Variants in ZNF35 observed in about 807,000 individuals in gnomAD.
ZNF35 encodes zinc finger protein 35 (clone HF.10).
ZNF35 carries 31 observed loss-of-function variants against 45.9 expected under a neutral mutation model. The observed-to-expected ratio is 0.68, with a 90% CI of 0.51 to 0.91. The LOEUF is 0.91. Ranked by LOEUF, ZNF35 falls within the 40% of genes least tolerant of loss-of-function variation. ZNF35 has a pLI of 0.00. For missense variants in ZNF35, 515 were observed against 625.4 expected (o/e 0.82, Z 1.88); for synonymous variants, 205 against 220.2 (o/e 0.93, Z 0.61).
Position 44,651,157 on chromosome 3 carries a change from A to C in ZNF35, c.90A>C (p.Pro30=), listed in dbSNP as rs1451339448. Reference sequence around the variant, plus strand: ...AGGAGGAAGAAGAAGAAAACTTCCCAGGTCAGGCATCCAGCCAACAAGTGC... The same window carrying C: ...AGGAGGAAGAAGAAGAAAACTTCCCCGGTCAGGCATCCAGCCAACAAGTGC... ...KKEEEEEENF[P]GQASSQQVHS... Residue 30 remains proline (P), a synonymous_variant, in exon 2 of 4, where the codon CCA becomes CCC. Transcript: ENST00000396056. 6 of 1,614,096 alleles carry C rather than the reference A, an allele frequency of 3.7e-6. No individual in the cohort carries two copies. The highest frequency in any genetic ancestry group is 2.7e-5 in the African/African-American group (2 of 74,930).
At chr3:44,650,907 T>C (rs1413368265) in intron 1 of ZNF35, 34 bp from the exon 2 acceptor site, 1 of 691,260 alleles carries the variant, frequency 1.4e-6, no homozygotes, top group African/African-American at 1.8e-5. Flanking sequence ...AGCAAATCTC[T>C]CCTTGGTGCT....
At chr3:44,650,068 TTGTGTGTGTGTGTG>T (rs10575761) in intron 1 of ZNF35, among the ~76,000 whole-genome samples, 2 of 149,960 alleles carry the variant, frequency 1.3e-5, no homozygotes, top group Admixed American at 1.3e-4. Context: ...GATAAGTACT[TTGTGTGTGTGTGTG>T]TGTGTGTGTG....
At chr3:44,651,397 A>C in intron 2 of ZNF35, 138 bp downstream of exon 2, 1 of 819,298 alleles carries the variant, frequency 1.2e-6, no homozygotes, top group Non-Finnish European at 1.9e-6. Context: ...CTTTTGTAAT[A>C]GGATAGAAAC....
At position 44,659,308 on chromosome 3, in the gene ZNF35, T is replaced by C. The variant is rs767321587; in HGVS notation, c.945T>C (p.Phe315=). 6.2e-7 allele frequency: 1 copy of C among 1,614,164 alleles called. No individual in the cohort carries two copies. Among genetic ancestry groups the C allele is most frequent in the Non-Finnish European group, 8.5e-7 (1 of 1,180,028 alleles). ...TFKCNECEKA[F]SYSSQLARHQ... is the part of the protein sequence containing the mutation. ...AGTGCAATGAATGTGAGAAAGCCTT[T>C]AGTTACAGCTCACAACTTGCTCGGC... The change falls in exon 4 of 4, where the codon TTT becomes TTC. Residue 315 remains phenylalanine, a synonymous_variant. Transcript: ENST00000396056. The surrounding 1 kb of genome is among the most constrained non-coding windows in gnomAD (Gnocchi z 4.3).
chr3:44,650,784 C>G (rs1451542924), intron 1 of ZNF35, among the ~76,000 whole-genome samples, 157 bp from the exon 2 acceptor site: 1 of 152,226 alleles, frequency 6.6e-6, no homozygotes, highest in Non-Finnish European at 1.5e-5. Flanking sequence ...TATAGTCCAA[C>G]CCCTTCATCC....
At chr3:44,647,399 C>T (rs898136082), upstream of ZNF35, 3 of 151,934 alleles carry the variant, frequency 2.0e-5, no homozygotes, top group Non-Finnish European at 4.4e-5. Context: ...TTGGCAGTTT[C>T]TTGTAAAACC....
At chr3:44,646,710 T>C (rs1175586669), upstream of ZNF35, 2 of 555,652 alleles carry the variant, frequency 3.6e-6, no homozygotes, top group Non-Finnish European at 6.4e-6. Flanking sequence ...AATTTCGATA[T>C]GAAAGGTATA....
intron 2 of ZNF35, 102 bp from the exon 3 acceptor site, chr3:44,652,455 A>G (rs772637373): frequency 2.9e-5 from 36 of 1,237,318 alleles, no homozygotes; most frequent in South Asian, 1.5e-4. Context: ...AAATTGTTCT[A>G]TGGCCTCCAG....
At chr3:44,646,531 A>G (rs1702965083), upstream of ZNF35, 3 of 1,387,764 alleles carry the variant, frequency 2.2e-6, no homozygotes, top group African/African-American at 1.4e-5. Context: ...AATAAAAGAC[A>G]CCACGAGAAA....
rs772117188 is a variant in ZNF35 at position 44,658,774 on chromosome 3, C to G, written c.411C>G (p.Ile137Met). Residue 137 changes from isoleucine (I) to methionine (M), a missense_variant, in exon 4 of 4, where the codon ATC becomes ATG. Ile to Met is a conservative substitution (Grantham distance 10, BLOSUM62 1). Around this residue, in one of 3 missense-constraint regions of ZNF35, gnomAD observed 275 missense variants for 295.7 expected, o/e 0.93. Coordinates refer to ENST00000396056, the MANE Select transcript of ZNF35 (RefSeq NM_003420.4). ...EICEEAEKPLIISERIQKADP... is the reference protein window; with the variant it reads ...EICEEAEKPLMISERIQKADP... Reference sequence around the variant, plus strand: ...GTGAGGAAGCTGAAAAACCCCTCATCATATCAGAAAGAATCCAGAAAGCTG... The same window carrying G: ...GTGAGGAAGCTGAAAAACCCCTCATGATATCAGAAAGAATCCAGAAAGCTG... The G allele has an allele frequency of 5.0e-6, 8 of 1,604,476 alleles. No homozygotes were observed. The highest frequency in any genetic ancestry group is 6.8e-6 in the Non-Finnish European group (8 of 1,177,908).
chr3:44,657,412 C>T (rs763114114), intron 3 of ZNF35, among the ~76,000 whole-genome samples: 39 of 152,186 alleles, frequency 2.6e-4, no homozygotes, highest in Admixed American at 7.9e-4. Context: ...ATTTCTTGAG[C>T]TTGGTTTAAT....
In ZNF35 at chr3:44,659,093, C is replaced by T. The variant is rs1307217325; in HGVS notation, c.730C>T (p.His244Tyr). Residue 244 changes from histidine to tyrosine, a missense_variant, in exon 4 of 4, where the codon CAC becomes TAC. His to Tyr is a moderately conservative substitution (Grantham distance 83). Coordinates refer to ENST00000396056, the MANE Select transcript of ZNF35 (RefSeq NM_003420.4). The surrounding 1 kb of genome is among the most constrained non-coding windows in gnomAD (Gnocchi z 4.3). ...SANLVVHQRI[H>Y]TGEKPFECHE... ...AAACCTCGTTGTGCATCAGCGAATC[C>T]ACACTGGAGAGAAACCCTTTGAATG... The T allele has an allele frequency of 6.8e-6, 11 of 1,614,010 alleles. 1 individual carries two copies. The Admixed American group carries it at 1.8e-4, about 27-fold the overall frequency.
chr3:44,655,415 T>TAA (rs35965367), intron 3 of ZNF35, among the ~76,000 whole-genome samples: 21 of 145,894 alleles, frequency 1.4e-4, no homozygotes, highest in African/African-American at 2.0e-4. Flanking sequence ...CAGCTATCTT[T>TAA]AAAAAAAAAA....
chr3:44,656,044 A>G (rs1180383966), intron 3 of ZNF35, among the ~76,000 whole-genome samples: 3 of 152,282 alleles, frequency 2.0e-5, no homozygotes, highest in South Asian at 2.1e-4. Context: ...AGGAGGTGAA[A>G]AGAATCAAGG....
At chr3:44,653,808 T>C (rs896516121) in intron 3 of ZNF35, among the ~76,000 whole-genome samples, 15 of 152,210 alleles carry the variant, frequency 9.9e-5, no homozygotes, top group African/African-American at 3.4e-4. Flanking sequence ...AAGAATGCAG[T>C]AGCCATGAGT....
At chr3:44,657,297 C>T (rs994021313) in intron 3 of ZNF35, among the ~76,000 whole-genome samples, 1 of 152,222 alleles carries the variant, frequency 6.6e-6, no homozygotes, top group Non-Finnish European at 1.5e-5. Context: ...TAACCTGAAG[C>T]TCACAGCACC....
At position 44,658,748 on chromosome 3, in the gene ZNF35, T is replaced by C. The variant is rs755554359; in HGVS notation, c.385T>C (p.Cys129Arg). 8 of 1,589,368 alleles carry C rather than the reference T, an allele frequency of 5.0e-6. No individual in the cohort carries two copies. In the East Asian group the frequency reaches 1.6e-4, roughly 31 times the overall value. ...GTTACTGGTTCCAAAAACTGAGATA[T>C]GTGAGGAAGCTGAAAAACCCCTCAT... ...LQLLVPKTEI[C>R]EEAEKPLIIS... The change falls in exon 4 of 4, where the codon TGT becomes CGT. Residue 129 changes from cysteine (C) to arginine (R), a missense_variant. Cys to Arg is a radical substitution (Grantham distance 180). Transcript: ENST00000396056.
In ZNF35 at chr3:44,659,743, C is replaced by T; in HGVS notation, c.1380C>T (p.Tyr460=). 1 of 1,614,036 alleles carries T rather than the reference C, an allele frequency of 6.2e-7. No individual in the cohort carries two copies. Among genetic ancestry groups the T allele is most frequent in the Non-Finnish European group, 8.5e-7 (1 of 1,179,990 alleles). ...GGAAGGCCTTCACATGTAGCTCATA[C>T]CTACTTATTCATCAGAGAATTCATA... The part of the protein sequence containing the change: ...ECGKAFTCSS[Y]LLIHQRIHNG... Residue 460 remains tyrosine (Y), a synonymous_variant, in exon 4 of 4, where the codon TAC becomes TAT. Coordinates refer to ENST00000396056, the MANE Select transcript of ZNF35 (RefSeq NM_003420.4). The surrounding 1 kb of genome is among the most constrained non-coding windows in gnomAD (Gnocchi z 4.3).
At chr3:44,655,058 C>T (rs1288679803) in intron 3 of ZNF35, among the ~76,000 whole-genome samples, 3 of 151,978 alleles carry the variant, frequency 2.0e-5, no homozygotes, top group East Asian at 3.9e-4. Flanking sequence ...CGCTTGAACC[C>T]GGGAGACAGA....
Sources: allele counts gnomAD v4.1 joint callset (sites outside exome capture counted in the v4.1 genomes callset), GRCh38; gene constraint gnomAD v4.1.1; regional missense constraint gnomAD v4.1.1; non-coding constraint Gnocchi (gnomAD v3.1); transcripts MANE v1.5; gene names NCBI Gene and HGNC (gene_info 2026-07-23, HGNC 2026-07-21).